The following JAKMIP1 variants were observed in gnomAD, a reference collection of about 807,000 sequenced individuals.
JAKMIP1 encodes janus kinase and microtubule-interacting protein 1.
Under a neutral mutation model 113.0 loss-of-function variants are expected in JAKMIP1, and 33 were observed. The ratio of observed to expected loss-of-function variants is 0.29; its 90% CI spans 0.22 to 0.39. The LOEUF is 0.39. JAKMIP1 is among the 10% of genes least tolerant of loss of function. The pLI is 1.00. For missense variants in JAKMIP1, 813 were observed against 1,080.5 expected (o/e 0.75, Z 3.47); for synonymous variants, 480 against 459.9 (o/e 1.04, Z -0.56).
chr4:6,056,967 C>G (rs957443624), intron 11 of JAKMIP1, among the ~76,000 whole-genome samples: 11 of 152,182 alleles, frequency 7.2e-5, no homozygotes, highest in African/African-American at 2.4e-4. Context: ...TTCTCCACTT[C>G]GTTCACATTC....
intron 1 of JAKMIP1, among the ~76,000 whole-genome samples, chr4:6,128,863 C>T (rs1718113836): frequency 6.6e-6 from 1 of 152,228 alleles, no homozygotes; most frequent in Non-Finnish European, 1.5e-5. Flanking sequence ...CACCTCACCC[C>T]TGCAGAGAGA....
intron 8 of JAKMIP1, among the ~76,000 whole-genome samples, chr4:6,070,844 T>C (rs1181769028): frequency 6.6e-6 from 1 of 152,176 alleles, no homozygotes; most frequent in Non-Finnish European, 1.5e-5. Flanking sequence ...GAAAAACTGA[T>C]TTTTTTAACT....
rs1465854210 is a variant in JAKMIP1 at position 6,162,443 on chromosome 4, C to A, written c.-148+37810G>T. On this transcript the variant is annotated intron_variant, in intron 1 of 20. Transcript: ENST00000409021. The surrounding 1 kb of genome is among the most constrained non-coding windows in gnomAD (Gnocchi z 5.6). ...AAGTCACCTCCAGAGGCCACATGAG[C>A]CAAGTGACAGGGGCAGATGGAGCCA... 6.6e-6 allele frequency among the ~76,000 whole-genome samples: 1 copy of A among 152,170 alleles called. No homozygotes were observed. Among genetic ancestry groups the A allele is most frequent in the East Asian group, 1.9e-4 (1 of 5,182 alleles).
At chr4:6,114,136 G>C (rs899597723) in intron 1 of JAKMIP1, among the ~76,000 whole-genome samples, 1 of 152,228 alleles carries the variant, frequency 6.6e-6, no homozygotes, top group Non-Finnish European at 1.5e-5. Context: ...GAGTCGTGGC[G>C]TTGGGATTAG....
chr4:6,056,842 T>G, intron 11 of JAKMIP1, 83 bp from the exon 12 acceptor site: 1 of 940,314 alleles, frequency 1.1e-6, no homozygotes, highest in South Asian at 1.3e-5. Context: ...AAAGGTCACT[T>G]TCTATGAAAC....
rs976322284 is a variant in JAKMIP1, at chr4:6,140,191, A to G, written c.-147-27194T>C. 1.3e-5 allele frequency among the ~76,000 whole-genome samples: 2 copies of G among 151,798 alleles called. No homozygotes were observed. The highest frequency in any genetic ancestry group is 4.8e-5 in the African/African-American group (2 of 41,262). On this transcript the variant is annotated intron_variant, in intron 1 of 20. Coordinates refer to ENST00000409021, the MANE Select transcript of JAKMIP1 (RefSeq NM_001099433.2). The surrounding 1 kb of genome is among the most constrained non-coding windows in gnomAD (Gnocchi z 9.4). ...AAGGCTGACAGCGGCAGAAACAATC[A>G]ATGTTCACGTGGCTCTCCACCCGGA... is the stretch of plus-strand genomic sequence containing the variant.
Position 6,153,477 on chromosome 4 carries a change from C to T in JAKMIP1, c.-147-40480G>A, listed in dbSNP as rs185120587. ...GGAGCCAACGGTGTTTCCCAAACCT[C>T]AGTCATCAGTTGCCGCCGCTGTGAC... On this transcript the variant is annotated intron_variant, in intron 1 of 20. Coordinates refer to ENST00000409021, the MANE Select transcript of JAKMIP1 (RefSeq NM_001099433.2). This position sits in a 1 kb window ranked among gnomAD's most constrained non-coding sequence, Gnocchi z 4.9. Among the ~76,000 whole-genome samples the T allele has an allele frequency of 3.9e-4, 60 of 152,332 alleles. No homozygotes were observed. The highest frequency in any genetic ancestry group is 3.4e-3 in the Middle Eastern group (1 of 294).
At chr4:6,077,728 C>G (rs1719889101) in intron 8 of JAKMIP1, among the ~76,000 whole-genome samples, 1 of 152,068 alleles carries the variant, frequency 6.6e-6, no homozygotes, top group African/African-American at 2.4e-5. Context: ...AAGCGATCCA[C>G]CCACCCTGGC....
rs151285210 is a variant in JAKMIP1, at chr4:6,099,763, G to A, written c.624+5710C>T. Among the ~76,000 whole-genome samples, 1,295 of 152,216 alleles carry A rather than the reference G, an allele frequency of 8.5e-3. 5 individuals are homozygous for A. Among genetic ancestry groups the A allele is most frequent in the Middle Eastern group, 0.02 (6 of 294 alleles). On this transcript the variant is annotated intron_variant, in intron 3 of 20. Coordinates refer to ENST00000409021, the MANE Select transcript of JAKMIP1 (RefSeq NM_001099433.2). ...CATTTTTGGTGGTACAGCCTCTGGC[G>A]ACAAATAATCTTAGCTTCCTTTTAC...
In JAKMIP1 at chr4:6,038,423, A is replaced by G. The variant is rs1713853108; in HGVS notation, c.2175+2216T>C. 2.1e-5 allele frequency among the ~76,000 whole-genome samples: 3 copies of G among 141,784 alleles called. No homozygotes were observed. In the South Asian group the frequency reaches 6.7e-4, roughly 32 times the overall value. The allele number at this position is 141,784 out of a possible 152,430, so 93.0% of individuals were successfully genotyped here. A position where few individuals can be genotyped will look rare whatever the true frequency, so the allele number is the denominator to read the frequency against. On this transcript the variant is annotated intron_variant, in intron 18 of 20. Transcript: ENST00000409021. Reference sequence around the variant, plus strand: ...CTGTCACCGAGGTAAAGGCTAACCCAGTAGCCCTCCATCACCGAGGCAGAG... The same window carrying G: ...CTGTCACCGAGGTAAAGGCTAACCCGGTAGCCCTCCATCACCGAGGCAGAG...
At chr4:6,098,540 GAAAGAAAA>G (rs1281990078) in intron 3 of JAKMIP1, among the ~76,000 whole-genome samples, 9 of 31,388 alleles carry the variant, frequency 2.9e-4, no homozygotes, top group East Asian at 0.026. Flanking sequence ...GAGAGAGAGA[GAAAGAAAA>G]AGAAAGAAAG....
In JAKMIP1 at chr4:6,142,092, T is replaced by C. The variant is rs1389313568; in HGVS notation, c.-147-29095A>G. 6.8e-6 allele frequency among the ~76,000 whole-genome samples: 1 copy of C among 148,060 alleles called. No homozygotes were observed. The highest frequency in any genetic ancestry group is 1.5e-5 in the Non-Finnish European group (1 of 66,860). On this transcript the variant is annotated intron_variant, in intron 1 of 20. Transcript: ENST00000409021. The surrounding 1 kb of genome is among the most constrained non-coding windows in gnomAD (Gnocchi z 5.5). Reference sequence around the variant, plus strand: ...TACTTAAACTCATGTCTATCAGTCATTTTCTAGCTTGTCTTTTCCTCTTCA... The same window carrying C: ...TACTTAAACTCATGTCTATCAGTCACTTTCTAGCTTGTCTTTTCCTCTTCA...
In JAKMIP1 at chr4:6,040,687, C is replaced by T. The variant is rs771577295; in HGVS notation, c.2127G>A (p.Leu709=). 1.2e-6 allele frequency: 2 copies of T among 1,613,630 alleles called. No homozygotes were observed. Among genetic ancestry groups the T allele is most frequent in the South Asian group, 2.2e-5 (2 of 90,946 alleles). ...KDLFSRQKGY[L]EEELDYRKQA... ...GCTTCCGGTAGTCGAGCTCCTCTTC[C>T]AGGTAGCCCTTCTGCCTGCTGAACA... The change falls in exon 18 of 21, where the codon CTG becomes CTA. Residue 709 remains leucine, a synonymous_variant. Transcript: ENST00000409021. The surrounding 1 kb of genome is among the most constrained non-coding windows in gnomAD (Gnocchi z 5.8).
At chr4:6,173,252 T>A (rs1235636932) in intron 1 of JAKMIP1, among the ~76,000 whole-genome samples, 1 of 152,158 alleles carries the variant, frequency 6.6e-6, no homozygotes, top group African/African-American at 2.4e-5. Flanking sequence ...ACAAACACTA[T>A]TTCAGTGATC....
intron 10 of JAKMIP1, 30 bp downstream of exon 10, chr4:6,062,282 C>T (rs1313261075): frequency 1.9e-6 from 3 of 1,611,124 alleles, no homozygotes; most frequent in Admixed American, 1.7e-5. Flanking sequence ...TTCGGCCCCT[C>T]CCTCGAGCCC....
intron 3 of JAKMIP1, among the ~76,000 whole-genome samples, chr4:6,104,824 C>A (rs1305709896): frequency 1.3e-5 from 2 of 152,180 alleles, no homozygotes; most frequent in Non-Finnish European, 2.9e-5. Context: ...ATCTCCTGTG[C>A]AGCAAGCTGG....
At chr4:6,101,219 G>T (rs1458259978) in intron 3 of JAKMIP1, among the ~76,000 whole-genome samples, 1 of 152,028 alleles carries the variant, frequency 6.6e-6, no homozygotes, top group Admixed American at 6.6e-5. Context: ...ATTAATCTTT[G>T]TGGGTAGTAT....
chr4:6,110,221 C>T (rs536809711), intron 2 of JAKMIP1, among the ~76,000 whole-genome samples: 4 of 152,214 alleles, frequency 2.6e-5, no homozygotes, highest in African/African-American at 9.6e-5. Flanking sequence ...GGCCCTAATC[C>T]GATTTGCCTG....
In JAKMIP1 at chr4:6,088,010, C is replaced by T. The variant is rs1192047111; in HGVS notation, c.625-2381G>A. ...GGAATCTTTAAACATGCTGAAAACA[C>T]CACTGCCAATGTAGATGCCAACCCC... On this transcript the variant is annotated intron_variant, in intron 3 of 20. Transcript: ENST00000409021. The surrounding 1 kb of genome is among the most constrained non-coding windows in gnomAD (Gnocchi z 5.5). Among the ~76,000 whole-genome samples the T allele has an allele frequency of 6.6e-6, 1 of 152,162 alleles. No individual in the cohort carries two copies. The highest frequency in any genetic ancestry group is 1.5e-5 in the Non-Finnish European group (1 of 68,026).
Sources: gnomAD v4.1 joint callset for allele counts (sites outside exome capture counted in the v4.1 genomes callset) on GRCh38, gnomAD v4.1.1 for gene constraint, Gnocchi (gnomAD v3.1) non-coding constraint, MANE v1.5 for transcripts, NCBI Gene and HGNC (gene_info 2026-07-23, HGNC 2026-07-21) for gene names.